The following BANK1 variants were observed in gnomAD, a reference collection of about 807,000 sequenced individuals.
The protein encoded by BANK1 is B cell scaffold protein with ankyrin repeats 1.
Under a neutral mutation model 94.5 loss-of-function variants are expected in BANK1, and 95 were observed. The observed-to-expected ratio is 1.00, with a 90% CI of 0.85 to 1.19. The LOEUF (loss-of-function observed/expected upper bound fraction) is 1.19, where lower values mean the gene tolerates loss of function less well. Ranked by LOEUF, BANK1 falls within the 50% of genes most tolerant of loss-of-function variation. The pLI is 0.00. For missense variants in BANK1, 987 were observed against 932.2 expected, an observed-to-expected ratio of 1.06 and a Z score of -0.77; for synonymous variants, 334 against 308.4, an observed-to-expected ratio of 1.08 and a Z score of -0.87.
intron 7 of BANK1, among the ~76,000 whole-genome samples, chr4:101,975,925 T>A (rs1199238004): frequency 6.6e-6 from 1 of 152,098 alleles, no homozygotes; most frequent in East Asian, 1.9e-4. Flanking sequence ...CTGTGCGAAT[T>A]TCCGCATTCA....
chr4:102,070,986 G>A (rs561265268), intron 13 of BANK1, among the ~76,000 whole-genome samples: 8 of 152,134 alleles, frequency 5.3e-5, no homozygotes, highest in Non-Finnish European at 1.2e-4. Flanking sequence ...TCAAGCTAGC[G>A]GAATATCAAG....
chr4:101,903,366 G>A (rs528219917), intron 6 of BANK1, among the ~76,000 whole-genome samples: 1 of 152,238 alleles, frequency 6.6e-6, no homozygotes, highest in East Asian at 1.9e-4. Context: ...ATTTTTCCAT[G>A]ATCATAACCA....
chr4:101,972,166 G>T (rs2850374), intron 7 of BANK1, among the ~76,000 whole-genome samples: 123,607 of 151,970 alleles, frequency 0.81, 50,775 homozygotes, highest in Non-Finnish European at 0.88. Flanking sequence ...GTGAATCTTT[G>T]ATAGTTTTCA....
intron 7 of BANK1, among the ~76,000 whole-genome samples, chr4:101,924,072 T>C (rs1418254780): frequency 6.6e-6 from 1 of 151,822 alleles, no homozygotes; most frequent in Admixed American, 6.6e-5. Context: ...GGTTGTATGC[T>C]TAATGCAACG....
intron 7 of BANK1, among the ~76,000 whole-genome samples, chr4:101,941,791 G>GA (rs1048028226): frequency 3.3e-5 from 5 of 151,672 alleles, no homozygotes; most frequent in African/African-American, 1.2e-4. Context: ...TAGGAGGTTT[G>GA]AATTGTATTC....
At position 101,865,293 on chromosome 4, in the gene BANK1, T is replaced by G. The variant is rs138100833; in HGVS notation, c.763+2629T>G. Among the ~76,000 whole-genome samples the G allele has an allele frequency of 8.1e-3, 1,240 of 152,214 alleles. 15 individuals are homozygous for G. Among genetic ancestry groups the G allele is most frequent in the Middle Eastern group, 0.034 (10 of 294 alleles). On this transcript the variant is annotated intron_variant, in intron 4 of 16. Coordinates refer to ENST00000322953, the MANE Select transcript of BANK1 (RefSeq NM_017935.5). ...GGAGCCACAAACTAGTAGGAGCACTTAAGTGTTAATTTTGATGAATGTCTG... is the reference window on the plus strand; with the variant it reads ...GGAGCCACAAACTAGTAGGAGCACTGAAGTGTTAATTTTGATGAATGTCTG...
At chr4:102,049,382 A>G (rs1727976991) in intron 11 of BANK1, among the ~76,000 whole-genome samples, 2 of 152,122 alleles carry the variant, frequency 1.3e-5, no homozygotes, top group South Asian at 4.2e-4. Flanking sequence ...CACATCTTGG[A>G]CTGTACAGAA....
intron 1 of BANK1, among the ~76,000 whole-genome samples, chr4:101,792,640 T>A (rs1290714017): frequency 6.6e-6 from 1 of 152,076 alleles, no homozygotes; most frequent in Non-Finnish European, 1.5e-5. Context: ...ACCCATTCAT[T>A]AACTTAACAA....
At chr4:101,940,847 C>T (rs1723718693) in intron 7 of BANK1, among the ~76,000 whole-genome samples, 4 of 151,666 alleles carry the variant, frequency 2.6e-5, no homozygotes, top group South Asian at 4.1e-4. Context: ...ATGTTTGTCA[C>T]GTTTCTCCAC....
chr4:101,895,920 C>T (rs931708257), intron 6 of BANK1, among the ~76,000 whole-genome samples: 7 of 151,772 alleles, frequency 4.6e-5, no homozygotes, highest in Non-Finnish European at 5.9e-5. Context: ...TAAAAAAGTA[C>T]GTGTACATTT....
chr4:101,867,761 T>A (rs1284402978), intron 4 of BANK1, among the ~76,000 whole-genome samples: 4 of 131,254 alleles, frequency 3.0e-5, no homozygotes, highest in South Asian at 2.2e-4. Context: ...TTAAAAAAAA[T>A]AAATATAAAT....
intron 7 of BANK1, among the ~76,000 whole-genome samples, chr4:101,968,638 G>T (rs995888259): frequency 1.3e-4 from 19 of 151,936 alleles, no homozygotes; most frequent in Admixed American, 1.2e-3. Context: ...GAAAGTACAA[G>T]GGCACTGCTG....
intron 2 of BANK1, among the ~76,000 whole-genome samples, chr4:101,843,937 A>T (rs79311196): frequency 1.2e-3 from 182 of 152,266 alleles, no homozygotes; most frequent in South Asian, 4.3e-3. Flanking sequence ...AAATAAAAAT[A>T]AAAATTAATA....
At chr4:101,904,519 C>A (rs1441901111) in intron 6 of BANK1, among the ~76,000 whole-genome samples, 1 of 152,210 alleles carries the variant, frequency 6.6e-6, no homozygotes, top group Non-Finnish European at 1.5e-5. Flanking sequence ...TGGCCTCCAT[C>A]AAAAATTATT....
chr4:102,021,312 T>C (rs1031767428), intron 7 of BANK1, among the ~76,000 whole-genome samples: 1 of 152,094 alleles, frequency 6.6e-6, no homozygotes, highest in African/African-American at 2.4e-5. Flanking sequence ...AAGCAATTCA[T>C]TGTTTATTAT....
chr4:101,954,553 T>A (rs1486624868), intron 7 of BANK1, among the ~76,000 whole-genome samples: 2 of 151,986 alleles, frequency 1.3e-5, no homozygotes, highest in South Asian at 4.2e-4. Context: ...GTGAGGTGAT[T>A]GGATTGATGA....
chr4:102,038,220 T>G (rs1164868958), intron 10 of BANK1, among the ~76,000 whole-genome samples: 1 of 152,142 alleles, frequency 6.6e-6, no homozygotes, highest in Non-Finnish European at 1.5e-5. Context: ...AATATAACAG[T>G]GCAAATCATG....
intron 7 of BANK1, among the ~76,000 whole-genome samples, chr4:101,973,567 C>T (rs576414983): frequency 6.6e-6 from 1 of 152,056 alleles, no homozygotes; most frequent in East Asian, 1.9e-4. Flanking sequence ...AGTAAATAAA[C>T]TATTTTATGA....
intron 7 of BANK1, among the ~76,000 whole-genome samples, chr4:101,975,426 A>G (rs1376345084): frequency 2.0e-5 from 3 of 152,182 alleles, no homozygotes; most frequent in Non-Finnish European, 4.4e-5. Flanking sequence ...TCTTGAAGCC[A>G]TTACAGTTCA....
Sources: allele counts gnomAD v4.1 joint callset (sites outside exome capture counted in the v4.1 genomes callset), GRCh38; gene constraint gnomAD v4.1.1; transcripts MANE v1.5; gene names NCBI Gene and HGNC (gene_info 2026-07-23, HGNC 2026-07-21).